SRP72: variants seen among roughly 807,000 people sequenced by gnomAD.
SRP72 encodes the protein signal recognition particle 72.
Under a neutral mutation model 96.3 loss-of-function variants are expected in SRP72, and 49 were observed. That is an observed-to-expected ratio of 0.51 (90% confidence interval 0.40 to 0.65). The LOEUF is 0.65. Ranked by LOEUF, SRP72 falls within the 30% of genes least tolerant of loss-of-function variation. The pLI is 0.00. For missense variants in SRP72, 736 were observed against 793.3 expected, an observed-to-expected ratio of 0.93 and a Z score of 0.87; for synonymous variants, 267 against 275.2, an observed-to-expected ratio of 0.97 and a Z score of 0.30.
chr4:56,500,943 A>G (rs1278305250), intron 18 of SRP72, among the ~76,000 whole-genome samples: 1 of 149,298 alleles, frequency 6.7e-6, no homozygotes, highest in Non-Finnish European at 1.5e-5. Context: ...ATATTGTGAA[A>G]TATATATAGT....
intron 11 of SRP72, 127 bp from the exon 12 acceptor site, chr4:56,487,822 A>G (rs1720771966): frequency 1.5e-6 from 1 of 668,646 alleles, no homozygotes; most frequent in East Asian, 3.0e-5. Context: ...ATGTTTAGCG[A>G]TGTTACAAAA....
At chr4:56,496,911 C>G (rs374634388) in intron 17 of SRP72, among the ~76,000 whole-genome samples, 2 of 152,186 alleles carry the variant, frequency 1.3e-5, no homozygotes, top group African/African-American at 4.8e-5. Flanking sequence ...ATCGCCTGAA[C>G]CCGGGAGGCC....
At position 56,491,537 on chromosome 4, in the gene SRP72, G is replaced by C; in HGVS notation, c.1609G>C (p.Val537Leu). The C allele has an allele frequency of 6.2e-7, 1 of 1,613,908 alleles. No individual in the cohort carries two copies. The highest frequency in any genetic ancestry group is 2.2e-5 in the East Asian group (1 of 44,812). The change falls in exon 16 of 19, where the codon GTT becomes CTT. Residue 537 changes from valine (V) to leucine (L), a missense_variant. Val to Leu is a conservative substitution (Grantham distance 32). Around this residue, in one of 3 missense-constraint regions of SRP72, gnomAD observed 388 missense variants for 431.8 expected, o/e 0.90. Coordinates refer to ENST00000642900, the MANE Select transcript of SRP72 (RefSeq NM_006947.4). ...ATACATTCGGAAGAAGGGTGGAAAA[G>C]TTACTGGAGATAGTCAACCAAAGGA... is the stretch of plus-strand genomic sequence containing the variant. Reference protein sequence around the residue: ...ATYIRKKGGKVTGDSQPKEQG... With the variant: ...ATYIRKKGGKLTGDSQPKEQG...
chr4:56,484,923 T>C lies in SRP72; in HGVS notation c.1086+59T>C, dbSNP rs11934636. The C allele has an allele frequency of 0.09, 141,374 of 1,577,326 alleles. 7,832 individuals are homozygous for C. The highest frequency in any genetic ancestry group is 0.23 in the East Asian group (10,325 of 44,286). On this transcript the variant is annotated intron_variant, in intron 10 of 18. Coordinates refer to ENST00000642900, the MANE Select transcript of SRP72 (RefSeq NM_006947.4). ...TTGCAGCTTTGTTTCATTTTCATTG[T>C]GTTGTAATAACCTACTAGCATGTAA...
At chr4:56,485,080 A>G (rs1011663874) in intron 10 of SRP72, among the ~76,000 whole-genome samples, 2 of 152,174 alleles carry the variant, frequency 1.3e-5, no homozygotes, top group Non-Finnish European at 2.9e-5. Context: ...AATATTTGTT[A>G]TAAATGCTGA....
intron 8 of SRP72, among the ~76,000 whole-genome samples, chr4:56,480,475 G>T (rs992013446): frequency 2.0e-5 from 3 of 152,120 alleles, no homozygotes; most frequent in African/African-American, 7.2e-5. Flanking sequence ...GGGCAGGCTG[G>T]TCTCAAACTC....
chr4:56,472,412 C>G (rs1015338797), intron 3 of SRP72, among the ~76,000 whole-genome samples: 1 of 145,564 alleles, frequency 6.9e-6, no homozygotes, highest in Non-Finnish European at 1.5e-5. Flanking sequence ...GTGGCACTAT[C>G]TCGGCTCACT....
rs1394253100 is a variant in SRP72, at chr4:56,484,878, T to C, written c.1086+14T>C. ...GAGCTGCTTCAGGTAAAATAATTAC[T>C]TGAATGAGGTGTCAGACATTTGCAG... On this transcript the variant is annotated intron_variant, in intron 10 of 18. Transcript: ENST00000642900. 3 of 1,606,510 alleles carry C rather than the reference T, an allele frequency of 1.9e-6. No homozygotes were observed. Among genetic ancestry groups the C allele is most frequent in the Non-Finnish European group, 2.5e-6 (3 of 1,178,480 alleles).
At chr4:56,476,950 C>G in intron 6 of SRP72, 1 of 437,578 alleles carries the variant, frequency 2.3e-6, no homozygotes, top group Non-Finnish European at 4.0e-6. Flanking sequence ...AATTTATTCC[C>G]CCATTTTAGG....
intron 5 of SRP72, among the ~76,000 whole-genome samples, chr4:56,475,046 C>A (rs1560676601): frequency 6.6e-6 from 1 of 151,988 alleles, no homozygotes; most frequent in Non-Finnish European, 1.5e-5. Flanking sequence ...TTAACGTGAA[C>A]ATTTTGACTT....
At chr4:56,491,696 A>C in intron 16 of SRP72, 128 bp downstream of exon 16, 1 of 914,608 alleles carries the variant, frequency 1.1e-6, no homozygotes, top group Non-Finnish European at 1.6e-6. Flanking sequence ...CATTTCTCTC[A>C]CTGTGCCCAG....
At chr4:56,473,135 A>G (rs1325555095) in intron 3 of SRP72, among the ~76,000 whole-genome samples, 5 of 152,294 alleles carry the variant, frequency 3.3e-5, no homozygotes, top group East Asian at 1.9e-4. Flanking sequence ...ACCTAGACCT[A>G]TAGAAAGGTG....
chr4:56,483,315 G>A, intron 9 of SRP72, 45 bp downstream of exon 9: 1 of 1,567,956 alleles, frequency 6.4e-7, no homozygotes, highest in South Asian at 1.2e-5. Flanking sequence ...TTTGTAATAT[G>A]GTATATGAGG....
intron 11 of SRP72, 114 bp downstream of exon 11, chr4:56,486,511 A>C: frequency 1.3e-6 from 1 of 780,170 alleles, no homozygotes; most frequent in East Asian, 2.9e-5. Flanking sequence ...AAGCATAATA[A>C]TTACTGTTTC....
At chr4:56,476,936 T>C (rs751386320) in intron 6 of SRP72, 21 of 466,044 alleles carry the variant, frequency 4.5e-5, no homozygotes, top group Non-Finnish European at 6.7e-5. Flanking sequence ...ATTTATATAA[T>C]GTAAATTTAT....
intron 12 of SRP72, among the ~76,000 whole-genome samples, chr4:56,488,272 T>C (rs1163018410): frequency 6.6e-6 from 1 of 152,196 alleles, no homozygotes; most frequent in Non-Finnish European, 1.5e-5. Flanking sequence ...CAGATCTGTA[T>C]AGGAATTTCT....
chr4:56,500,805 T>G (rs1223975026), intron 18 of SRP72, 110 bp downstream of exon 18: 1 of 1,110,888 alleles, frequency 9.0e-7, no homozygotes, highest in East Asian at 2.6e-5. Flanking sequence ...ATGTGATGTA[T>G]CTTTGATAAA....
chr4:56,476,495 A>G, intron 5 of SRP72, 176 bp from the exon 6 acceptor site: 2 of 628,576 alleles, frequency 3.2e-6, no homozygotes, highest in South Asian at 2.0e-5. Flanking sequence ...TGGGAAAGTC[A>G]AGAGACTGAT....
At chr4:56,484,711 C>T (rs1240592164) in intron 9 of SRP72, 25 bp from the exon 10 acceptor site, 1 of 1,610,344 alleles carries the variant, frequency 6.2e-7, no homozygotes, top group Non-Finnish European at 8.5e-7. Context: ...GTTTATTTTT[C>T]TTGTGGGGGT....
Sources: gnomAD v4.1 joint callset for allele counts (sites outside exome capture counted in the v4.1 genomes callset) on GRCh38, gnomAD v4.1.1 for gene constraint, gnomAD v4.1.1 regional missense constraint, MANE v1.5 for transcripts, NCBI Gene and HGNC (gene_info 2026-07-23, HGNC 2026-07-21) for gene names.